The following NRCAM variants were observed in gnomAD, a reference collection of about 807,000 sequenced individuals.
NRCAM encodes the protein NgCAM-related cell adhesion molecule.
NRCAM carries 83 observed loss-of-function variants against 156.5 expected under a neutral mutation model. The ratio of observed to expected loss-of-function variants is 0.53; its 90% confidence interval spans 0.44 to 0.64. NRCAM has a LOEUF of 0.64. Among genes scored for constraint, NRCAM ranks in the 30% least tolerant of loss-of-function variants. NRCAM has a pLI of 0.00. For synonymous variants in NRCAM, 538 were observed against 563.9 expected (o/e 0.95, Z 0.65); for missense variants, 1,417 against 1,597.3 (o/e 0.89, Z 1.92).
chr7:108,211,243 T>C (rs2084149976), intron 11 of NRCAM, among the ~76,000 whole-genome samples: 1 of 152,162 alleles, frequency 6.6e-6, no homozygotes, highest in Non-Finnish European at 1.5e-5. Context: ...GGGAGCTCGC[T>C]GGGTCCCCAA....
intron 2 of NRCAM, among the ~76,000 whole-genome samples, chr7:108,351,742 T>C (rs1227585109): frequency 6.9e-6 from 1 of 144,934 alleles, no homozygotes; most frequent in Non-Finnish European, 1.5e-5. Flanking sequence ...CTCATGATTG[T>C]AGAGCAGGTC....
At chr7:108,316,274 T>C (rs1281627330) in intron 2 of NRCAM, among the ~76,000 whole-genome samples, 1 of 152,176 alleles carries the variant, frequency 6.6e-6, no homozygotes. Flanking sequence ...TCTCTCATCC[T>C]TCTGTTTTCT....
intron 2 of NRCAM, among the ~76,000 whole-genome samples, chr7:108,376,152 G>A (rs911711235): frequency 1.3e-5 from 2 of 152,172 alleles, no homozygotes; most frequent in Admixed American, 1.3e-4. Context: ...CCTGAATCCA[G>A]TTCCCTGACT....
At chr7:108,160,985 T>A (rs997307999) in intron 30 of NRCAM, among the ~76,000 whole-genome samples, 1 of 152,164 alleles carries the variant, frequency 6.6e-6, no homozygotes, top group African/African-American at 2.4e-5. Flanking sequence ...TTTTTAGAAA[T>A]CTGTTAAAAA....
intron 2 of NRCAM, among the ~76,000 whole-genome samples, chr7:108,354,264 C>A (rs1298328053): frequency 2.0e-5 from 3 of 152,192 alleles, no homozygotes; most frequent in Middle Eastern, 3.2e-3. Context: ...AGGGGAACAA[C>A]TACATGCTCC....
intron 23 of NRCAM, among the ~76,000 whole-genome samples, 159 bp downstream of exon 23, chr7:108,182,536 A>T (rs1166714615): frequency 6.6e-5 from 10 of 152,232 alleles, no homozygotes. Flanking sequence ...GAACGTTCTG[A>T]ACTTCTCTTT....
chr7:108,420,886 C>T (rs1808677806), intron 1 of NRCAM, among the ~76,000 whole-genome samples: 1 of 152,112 alleles, frequency 6.6e-6, no homozygotes, highest in Non-Finnish European at 1.5e-5. Flanking sequence ...AGAAAAGACT[C>T]ACAGAAGGAA....
chr7:108,316,129 T>C (rs1459914694), intron 2 of NRCAM, among the ~76,000 whole-genome samples: 1 of 152,246 alleles, frequency 6.6e-6, no homozygotes, highest in Non-Finnish European at 1.5e-5. Flanking sequence ...GATTAGGTCA[T>C]GAGGGGCTTT....
chr7:108,215,045 G>A (rs1339236864), intron 11 of NRCAM, among the ~76,000 whole-genome samples: 1 of 152,128 alleles, frequency 6.6e-6, no homozygotes, highest in African/African-American at 2.4e-5. Flanking sequence ...TAAGTGTGAT[G>A]TGGTGCTGGA....
chr7:108,376,885 C>A (rs903227035), intron 2 of NRCAM, among the ~76,000 whole-genome samples: 2 of 152,136 alleles, frequency 1.3e-5, no homozygotes, highest in Admixed American at 6.6e-5. Flanking sequence ...AGAGAGTGGG[C>A]CAGGTGCAGT....
chr7:108,277,150 C>T (rs1457942564), intron 3 of NRCAM, among the ~76,000 whole-genome samples: 2 of 152,202 alleles, frequency 1.3e-5, no homozygotes, highest in African/African-American at 4.8e-5. Flanking sequence ...CGACCTTTCT[C>T]TCTGGCTGCC....
intron 1 of NRCAM, among the ~76,000 whole-genome samples, chr7:108,414,330 T>C (rs1165722389): frequency 1.3e-5 from 2 of 152,168 alleles, no homozygotes; most frequent in African/African-American, 4.8e-5. Flanking sequence ...AAAGCACTGT[T>C]AGGTATTATT....
chr7:108,386,669 C>A (rs770084221), intron 2 of NRCAM, among the ~76,000 whole-genome samples: 1 of 152,050 alleles, frequency 6.6e-6, no homozygotes, highest in Non-Finnish European at 1.5e-5. Context: ...TACATAAAGA[C>A]ACCTATTCAA....
chr7:108,209,515 G>A lies in NRCAM; in HGVS notation c.981C>T (p.Ile327=). 1 of 1,612,122 alleles carries A rather than the reference G, an allele frequency of 6.2e-7. No individual in the cohort carries two copies. Among genetic ancestry groups the A allele is most frequent in the South Asian group, 1.1e-5 (1 of 90,754 alleles). The change falls in exon 12 of 33, where the codon ATC becomes ATT. Residue 327 remains isoleucine, a synonymous_variant. Coordinates refer to ENST00000379028, the MANE Select transcript of NRCAM (RefSeq NM_001037132.4). ...CAGAGTCTGCTTCTGAAACATGAAT[G>A]ATCTGCAAGGTTTTCTCAAAGTTCT... ...VYKNFEKTLQ[I]IHVSEADSGN... is the part of the protein sequence containing the mutation.
At chr7:108,196,298 A>C (rs988168065) in intron 14 of NRCAM, among the ~76,000 whole-genome samples, 1 of 152,206 alleles carries the variant, frequency 6.6e-6, no homozygotes, top group Non-Finnish European at 1.5e-5. Flanking sequence ...TGGCTGAATA[A>C]ATGGAACCAC....
intron 13 of NRCAM, among the ~76,000 whole-genome samples, chr7:108,207,067 T>C (rs2081550480): frequency 6.6e-6 from 1 of 152,244 alleles, no homozygotes; most frequent in Non-Finnish European, 1.5e-5. Context: ...ACCTGGGCTA[T>C]ACTTGCTATA....
rs941631316 is a variant in NRCAM at position 108,194,335 on chromosome 7, A to G, written c.1557T>C (p.Ser519=). 5 of 1,613,370 alleles carry G rather than the reference A, an allele frequency of 3.1e-6. No homozygotes were observed. The African/African-American group carries it at 6.7e-5, about 22-fold the overall frequency. The change falls in exon 16 of 33, where the codon AGT becomes AGC. Residue 519 remains serine, a synonymous_variant. Coordinates refer to ENST00000379028, the MANE Select transcript of NRCAM (RefSeq NM_001037132.4). ...TLEIPVAQKD[S]TGTYTCVARN... is the part of the protein sequence containing the mutation. Reference sequence around the variant, plus strand: ...TTGCAACACACGTATAAGTTCCTGTACTGTCCTTTTGGGCCACAGGAATTT... The same window carrying G: ...TTGCAACACACGTATAAGTTCCTGTGCTGTCCTTTTGGGCCACAGGAATTT...
At chr7:108,204,567 C>G (rs559120810) in intron 13 of NRCAM, among the ~76,000 whole-genome samples, 1 of 152,246 alleles carries the variant, frequency 6.6e-6, no homozygotes, top group Non-Finnish European at 1.5e-5. Context: ...TATAAACATG[C>G]AGCACCTGCT....
At position 108,354,096 on chromosome 7, in the gene NRCAM, C is replaced by T. The variant is rs182531488; in HGVS notation, c.-173-41365G>A. Among the ~76,000 whole-genome samples, 525 of 152,306 alleles carry T rather than the reference C, an allele frequency of 3.4e-3. 7 individuals are homozygous for T. Among genetic ancestry groups the T allele is most frequent in the Middle Eastern group, 3.4e-3 (1 of 294 alleles). ...CATCCAGCCACCAGTTACCTTAGCC[C>T]TTAAGTCTAGCTCCCAATTCCACTA... On this transcript the variant is annotated intron_variant, in intron 2 of 32. Transcript: ENST00000379028.
Sources: allele counts gnomAD v4.1 joint callset (sites outside exome capture counted in the v4.1 genomes callset), GRCh38; gene constraint gnomAD v4.1.1; transcripts MANE v1.5; gene names NCBI Gene and HGNC (gene_info 2026-07-23, HGNC 2026-07-21).